The following CLPTM1L variants were observed in gnomAD, a reference collection of about 807,000 sequenced individuals.
CLPTM1L encodes CLPTM1 like, also known as lipid scramblase CLPTM1L.
A neutral mutation model predicts 70.9 loss-of-function variants in CLPTM1L; 38 were observed. The observed-to-expected ratio is 0.54, with a 90% CI of 0.41 to 0.70. The LOEUF is 0.70. Among genes scored for constraint, CLPTM1L ranks in the 30% least tolerant of loss-of-function variants. CLPTM1L has a pLI of 0.00. For missense variants in CLPTM1L, 652 were observed against 705.9 expected, an observed-to-expected ratio of 0.92 and a Z score of 0.87; for synonymous variants, 339 against 299.9, an observed-to-expected ratio of 1.13 and a Z score of -1.35.
intron 1 of CLPTM1L, 56 bp downstream of exon 1, chr5:1,344,624 C>G: frequency 6.5e-7 from 1 of 1,527,892 alleles, no homozygotes; most frequent in Non-Finnish European, 8.8e-7. Flanking sequence ...CGTCTGGGGC[C>G]TGGAGGAGAG....
intron 10 of CLPTM1L, chr5:1,325,438 G>A (rs1752463418): frequency 4.6e-6 from 2 of 431,132 alleles, no homozygotes; most frequent in African/African-American, 2.0e-5. Flanking sequence ...CCAGCCTCGG[G>A]AGCGCCTCTG....
At chr5:1,319,845 GGAGGT>G (rs1752049408) in intron 16 of CLPTM1L, among the ~76,000 whole-genome samples, 1 of 152,248 alleles carries the variant, frequency 6.6e-6, no homozygotes, top group South Asian at 2.1e-4. Context: ...GGCCGGCACT[GGAGGT>G]GAGGGCAGTG....
At position 1,342,870 on chromosome 5, in the gene CLPTM1L, T is replaced by C. The variant is rs1485215897; in HGVS notation, c.264-1010A>G. The stretch of plus-strand genomic sequence containing the variant: ...TCCCAAACTGCTGGGATTATAGGCA[T>C]GAGTCACTGTGCCCGGCCTCTCCTT... On this transcript the variant is annotated intron_variant, in intron 2 of 16. Transcript: ENST00000320895. This position sits in a 1 kb window ranked among gnomAD's most constrained non-coding sequence, Gnocchi z 4.3. 2.0e-5 allele frequency among the ~76,000 whole-genome samples: 3 copies of C among 152,232 alleles called. No homozygotes were observed. Among genetic ancestry groups the C allele is most frequent in the South Asian group, 2.1e-4 (1 of 4,836 alleles).
intron 11 of CLPTM1L, among the ~76,000 whole-genome samples, chr5:1,324,551 C>T (rs1468042197): frequency 2.6e-5 from 4 of 152,088 alleles, no homozygotes; most frequent in Non-Finnish European, 4.4e-5. Flanking sequence ...GCAGGCTGTG[C>T]CTGTAAGGAC....
chr5:1,332,537 C>T (rs1257434012), intron 7 of CLPTM1L, among the ~76,000 whole-genome samples: 3 of 152,222 alleles, frequency 2.0e-5, no homozygotes, highest in Admixed American at 6.5e-5. Context: ...TCCTGGGTGC[C>T]GCCTAACCAC....
chr5:1,325,591 G>C, intron 10 of CLPTM1L, 160 bp downstream of exon 10: 1 of 670,830 alleles, frequency 1.5e-6, no homozygotes, highest in Admixed American at 2.4e-5. Flanking sequence ...GGCGAAGAGA[G>C]TGGCTGCGAT....
chr5:1,335,940 A>G (rs1443494135), intron 5 of CLPTM1L, among the ~76,000 whole-genome samples: 1 of 148,044 alleles, frequency 6.8e-6, no homozygotes. Flanking sequence ...CCCTGCCTCA[A>G]GCCCTGACCC....
At position 1,342,173 on chromosome 5, in the gene CLPTM1L, T is replaced by A. The variant is rs1490907349; in HGVS notation, c.264-313A>T. Among the ~76,000 whole-genome samples the A allele has an allele frequency of 2.0e-5, 3 of 152,090 alleles. No homozygotes were observed. In the South Asian group the frequency reaches 6.2e-4, roughly 32 times the overall value. ...AATAACCCACCTGAGGCCACAAGGCTGAAGCAGCCAGATGGAAAGCAGCTT... is the reference window on the plus strand; with the variant it reads ...AATAACCCACCTGAGGCCACAAGGCAGAAGCAGCCAGATGGAAAGCAGCTT... On this transcript the variant is annotated intron_variant, in intron 2 of 16. Coordinates refer to ENST00000320895, the MANE Select transcript of CLPTM1L (RefSeq NM_030782.5). The surrounding 1 kb of genome is among the most constrained non-coding windows in gnomAD (Gnocchi z 4.3).
Position 1,342,009 on chromosome 5 carries a change from C to T in CLPTM1L, c.264-149G>A, listed in dbSNP as rs889252432. On this transcript the variant is annotated intron_variant, in intron 2 of 16. Transcript: ENST00000320895. The surrounding 1 kb of genome is among the most constrained non-coding windows in gnomAD (Gnocchi z 4.3). The stretch of plus-strand genomic sequence containing the variant: ...CCCACCTGCCCAGGGCTTTACGAGT[C>T]GTGTGTGTGTGTGTGTGTGTGTGTG... The T allele has an allele frequency of 2.4e-5, 12 of 503,216 alleles. No individual in the cohort carries two copies. The highest frequency in any genetic ancestry group is 5.2e-5 in the South Asian group (2 of 38,696). The allele number at this position is 503,216 out of a possible 1,614,324, so 31.2% of individuals were successfully genotyped here. A position where few individuals can be genotyped will look rare whatever the true frequency, so the allele number is the denominator to read the frequency against.
rs775418068 is a variant in CLPTM1L at position 1,338,946 on chromosome 5, T to A, written c.513A>T (p.Arg171=). The A allele has an allele frequency of 3.7e-6, 6 of 1,613,338 alleles. No individual in the cohort carries two copies. The highest frequency in any genetic ancestry group is 5.1e-6 in the Non-Finnish European group (6 of 1,180,038). ...CCATCACGTTCAGCGCCAGCCGCGG[T>A]CGCCAGTGGGACACTGGCTCATCCA... ...SALDEPVSHW[R]PRLALNVMAD... Residue 171 remains arginine (R), a synonymous_variant, in exon 4 of 17, where the codon CGA becomes CGT. Coordinates refer to ENST00000320895, the MANE Select transcript of CLPTM1L (RefSeq NM_030782.5).
rs973757274 is a variant in CLPTM1L, at chr5:1,338,789, G to A, written c.599+71C>T. The A allele has an allele frequency of 3.8e-6, 6 of 1,586,536 alleles. No homozygotes were observed. The South Asian group carries it at 6.7e-5, about 18-fold the overall frequency. On this transcript the variant is annotated intron_variant, in intron 4 of 16. Coordinates refer to ENST00000320895, the MANE Select transcript of CLPTM1L (RefSeq NM_030782.5). ...GGACTCCACGGTGCAGGAGTGACCT[G>A]CTGGCGAGTTCTGGCCAGCCAGGGT... is the stretch of plus-strand genomic sequence containing the variant.
rs564589887 is a variant in CLPTM1L, at chr5:1,338,901, G to A, written c.558C>T (p.Asp186=). Residue 186 remains aspartate, a synonymous_variant, in exon 4 of 17, where the codon GAC becomes GAT. Coordinates refer to ENST00000320895, the MANE Select transcript of CLPTM1L (RefSeq NM_030782.5). The part of the protein sequence containing the change: ...LNVMADNFVF[D]GSSLPADVHR... Reference sequence around the variant, plus strand: ...GCACATCGGCAGGCAGGGAGGACCCGTCAAAGACAAAGTTGTCCGCCATCA... The same window carrying A: ...GCACATCGGCAGGCAGGGAGGACCCATCAAAGACAAAGTTGTCCGCCATCA... 59 of 1,613,308 alleles carry A rather than the reference G, an allele frequency of 3.7e-5. No individual in the cohort carries two copies. In the South Asian group the frequency reaches 4.3e-4, roughly 12 times the overall value.
In CLPTM1L at chr5:1,331,816, C is replaced by A. The variant is rs753387938; in HGVS notation, c.959G>T (p.Gly320Val). The change falls in exon 8 of 17, where the codon GGC becomes GTC. Residue 320 changes from glycine (G) to valine (V), a missense_variant. This residue lies in a region of CLPTM1L where 240 missense variants were observed against 295.0 expected (regional missense o/e 0.81). Coordinates refer to ENST00000320895, the MANE Select transcript of CLPTM1L (RefSeq NM_030782.5). ...SFWKKKKSMI[G>V]MSTKAVLWRC... ...GGGCCTACCTGCCTTGGTGGACATG[C>A]CGATCATGCTCTTCTTCTTCTTCCA... 1 of 1,613,334 alleles carries A rather than the reference C, an allele frequency of 6.2e-7. No homozygotes were observed. The highest frequency in any genetic ancestry group is 2.2e-5 in the East Asian group (1 of 44,884).
intron 8 of CLPTM1L, chr5:1,331,189 G>A (rs549408168): frequency 6.5e-6 from 1 of 154,596 alleles, no homozygotes; most frequent in South Asian, 2.0e-4. Flanking sequence ...CACTCACTTG[G>A]GCCCCTTAAA....
chr5:1,325,695 G>A lies in CLPTM1L; in HGVS notation c.1146+56C>T, dbSNP rs555806056. ...GGCCATCTTACTCTTTGCACAGGGGGCAAAATCACACTCTTCAGAGAGGCT... is the reference window on the plus strand; with the variant it reads ...GGCCATCTTACTCTTTGCACAGGGGACAAAATCACACTCTTCAGAGAGGCT... On this transcript the variant is annotated intron_variant, in intron 10 of 16. Transcript: ENST00000320895. 6 of 1,473,414 alleles carry A rather than the reference G, an allele frequency of 4.1e-6. No homozygotes were observed. In the Admixed American group the frequency reaches 5.1e-5, roughly 13 times the overall value. The allele number at this position is 1,473,414 out of a possible 1,614,324, so 91.3% of individuals were successfully genotyped here. A position where few individuals can be genotyped will look rare whatever the true frequency, so the allele number is the denominator to read the frequency against.
intron 9 of CLPTM1L, among the ~76,000 whole-genome samples, chr5:1,329,387 A>G (rs1452684076): frequency 6.6e-6 from 1 of 152,252 alleles, no homozygotes; most frequent in East Asian, 1.9e-4. Context: ...CAAGCACATG[A>G]AAACACTCTG....
In CLPTM1L at chr5:1,318,461, G is replaced by A. The variant is rs1360944683; in HGVS notation, c.1533-8C>T. ...TTATCCACAGGATAAAGCCTGCAATGACACAAATGAGCACATCAGCAAACC... is the reference window on the plus strand; with the variant it reads ...TTATCCACAGGATAAAGCCTGCAATAACACAAATGAGCACATCAGCAAACC... On this transcript the variant is annotated splice_region_variant and splice_polypyrimidine_tract_variant and intron_variant, in intron 16 of 16. Coordinates refer to ENST00000320895, the MANE Select transcript of CLPTM1L (RefSeq NM_030782.5). The surrounding 1 kb of genome is among the most constrained non-coding windows in gnomAD (Gnocchi z 8.9). 12 of 1,612,308 alleles carry A rather than the reference G, an allele frequency of 7.4e-6. No individual in the cohort carries two copies. The highest frequency in any genetic ancestry group is 1.6e-4 in the Middle Eastern group (1 of 6,082).
At position 1,334,274 on chromosome 5, in the gene CLPTM1L, C is replaced by A. The variant is rs757758054; in HGVS notation, c.891+15G>T. On this transcript the variant is annotated intron_variant, in intron 7 of 16. Coordinates refer to ENST00000320895, the MANE Select transcript of CLPTM1L (RefSeq NM_030782.5). ...CCCCAAGTGCCTGCGGCAAGCCCCC[C>A]GGTGGATGACTCACATGGAACGCTG... The A allele has an allele frequency of 6.2e-6, 10 of 1,606,992 alleles. No homozygotes were observed. In the South Asian group the frequency reaches 8.8e-5, roughly 14 times the overall value.
At chr5:1,338,812 G>C in intron 4 of CLPTM1L, 48 bp downstream of exon 4, 1 of 1,607,042 alleles carries the variant, frequency 6.2e-7, no homozygotes, top group Non-Finnish European at 8.5e-7. Flanking sequence ...GGCCAGCCAG[G>C]GTCCCAGCAC....
Sources: allele counts gnomAD v4.1 joint callset (sites outside exome capture counted in the v4.1 genomes callset), GRCh38; gene constraint gnomAD v4.1.1; regional missense constraint gnomAD v4.1.1; non-coding constraint Gnocchi (gnomAD v3.1); transcripts MANE v1.5; gene names NCBI Gene and HGNC (gene_info 2026-07-23, HGNC 2026-07-21).